DLG2: variants seen among roughly 807,000 people sequenced by gnomAD.
The protein encoded by DLG2 is discs large MAGUK scaffold protein 2, also known as disks large homolog 2.
DLG2 carries 45 observed loss-of-function variants against 132.5 expected under a neutral mutation model. That is an observed-to-expected ratio of 0.34 (90% CI 0.27 to 0.44). The LOEUF (loss-of-function observed/expected upper bound fraction) is 0.44, where lower values mean the gene tolerates loss of function less well. Among genes scored for constraint, DLG2 ranks in the 20% least tolerant of loss-of-function variants. The probability of loss-of-function intolerance (pLI) is 1.00; values close to 1 mark genes in which losing one functional copy is unlikely to be tolerated. For missense variants in DLG2, 1,045 were observed against 1,196.9 expected, an observed-to-expected ratio of 0.87 and a Z score of 1.87; for synonymous variants, 424 against 419.6, an observed-to-expected ratio of 1.01 and a Z score of -0.13.
At chr11:83,967,343 T>C (rs974717746) in intron 12 of DLG2, among the ~76,000 whole-genome samples, 1 of 152,120 alleles carries the variant, frequency 6.6e-6, no homozygotes, top group Non-Finnish European at 1.5e-5. Context: ...CCAGTCTGCA[T>C]CCCAATCAAT....
At chr11:84,195,891 G>A (rs1432701628) in intron 8 of DLG2, among the ~76,000 whole-genome samples, 1 of 152,118 alleles carries the variant, frequency 6.6e-6, no homozygotes. Context: ...CTCTGTAAGT[G>A]CAAGGATCAT....
intron 18 of DLG2, among the ~76,000 whole-genome samples, chr11:83,654,433 T>C (rs2071669801): frequency 6.6e-6 from 1 of 152,172 alleles, no homozygotes; most frequent in Non-Finnish European, 1.5e-5. Context: ...TTAGTTTTAT[T>C]TTTTCTTCCC....
rs150090693 is a variant in DLG2 at position 83,470,055 on chromosome 11, C to T, written c.2447-682G>A. ...TAAAATATTTTTAATCTTTGACTCA[C>T]TTATTTTTTCCTAGAAATATGTTTT... On this transcript the variant is annotated intron_variant, in intron 24 of 27. Coordinates refer to ENST00000376104, the MANE Select transcript of DLG2 (RefSeq NM_001142699.3). 5.0e-3 allele frequency among the ~76,000 whole-genome samples: 765 copies of T among 152,150 alleles called. 6 individuals carry two copies. Among genetic ancestry groups the T allele is most frequent in the Non-Finnish European group, 7.8e-3 (531 of 67,976 alleles).
At chr11:83,521,645 G>A (rs1205397071) in intron 21 of DLG2, among the ~76,000 whole-genome samples, 2 of 152,078 alleles carry the variant, frequency 1.3e-5, no homozygotes, top group Non-Finnish European at 2.9e-5. Flanking sequence ...CCCTTCCACT[G>A]TCCTCCTAGT....
At chr11:84,997,738 T>G (rs2509053) in intron 6 of DLG2, 107,543 of 152,124 alleles carry the variant, frequency 0.71, 39,025 homozygotes, top group East Asian at 0.92. Flanking sequence ...CATAGGCTCT[T>G]TCACAATAAT....
At chr11:84,828,340 A>G (rs2078604788) in intron 6 of DLG2, among the ~76,000 whole-genome samples, 2 of 151,834 alleles carry the variant, frequency 1.3e-5, no homozygotes, top group Non-Finnish European at 2.9e-5. Flanking sequence ...TTTCATGAAT[A>G]AGGATGGAGG....
intron 6 of DLG2, among the ~76,000 whole-genome samples, chr11:84,905,686 A>T (rs1003678110): frequency 6.6e-6 from 1 of 152,170 alleles, no homozygotes; most frequent in Non-Finnish European, 1.5e-5. Flanking sequence ...AAAAGTAAGC[A>T]TGGGCTGACT....
chr11:85,052,066 C>T (rs566509981), intron 6 of DLG2, among the ~76,000 whole-genome samples: 39 of 152,242 alleles, frequency 2.6e-4, no homozygotes, highest in African/African-American at 9.4e-4. Flanking sequence ...TAGAAAATTT[C>T]TCTTTTGGAT....
intron 3 of DLG2, among the ~76,000 whole-genome samples, chr11:85,419,722 C>A (rs937928468): frequency 6.6e-6 from 1 of 152,172 alleles, no homozygotes; most frequent in East Asian, 1.9e-4. Context: ...TTGATCAACT[C>A]GGCTATTGAT....
At chr11:84,591,233 G>C (rs1252452144) in intron 6 of DLG2, among the ~76,000 whole-genome samples, 2 of 149,712 alleles carry the variant, frequency 1.3e-5, no homozygotes, top group Non-Finnish European at 3.0e-5. Flanking sequence ...CTGTGTGTGT[G>C]TGTGTGTGTG....
At chr11:83,790,372 T>C in intron 17 of DLG2, 1 of 887,968 alleles carries the variant, frequency 1.1e-6, no homozygotes, top group South Asian at 1.5e-5. Context: ...AAGAACCATC[T>C]GGCAGGACTG....
chr11:84,159,253 T>C (rs931038615), intron 9 of DLG2, among the ~76,000 whole-genome samples: 3 of 152,180 alleles, frequency 2.0e-5, no homozygotes, highest in Non-Finnish European at 4.4e-5. Flanking sequence ...AAGGAATAGA[T>C]GTTAACAAAA....
intron 26 of DLG2, among the ~76,000 whole-genome samples, chr11:83,463,682 T>C (rs930792524): frequency 1.3e-5 from 2 of 152,192 alleles, no homozygotes; most frequent in South Asian, 4.1e-4. Context: ...TCCCAGCTAC[T>C]TGGGAGGCTG....
At chr11:85,362,508 T>G (rs2084238073) in intron 3 of DLG2, among the ~76,000 whole-genome samples, 1 of 152,120 alleles carries the variant, frequency 6.6e-6, no homozygotes, top group Admixed American at 6.6e-5. Context: ...CTCAGAGTTT[T>G]TTTGGTGGAG....
chr11:85,231,836 G>T (rs928943394), intron 4 of DLG2, among the ~76,000 whole-genome samples: 8 of 151,852 alleles, frequency 5.3e-5, no homozygotes, highest in Admixed American at 2.6e-4. Context: ...TTCTGCTCTA[G>T]CTCACAAAAA....
intron 17 of DLG2, among the ~76,000 whole-genome samples, chr11:83,795,675 A>G (rs1488826298): frequency 1.3e-5 from 2 of 152,084 alleles, no homozygotes; most frequent in East Asian, 1.9e-4. Context: ...AGAGATGATC[A>G]TTATATTTGC....
At chr11:83,962,242 A>G (rs2089021526) in intron 14 of DLG2, among the ~76,000 whole-genome samples, 1 of 152,080 alleles carries the variant, frequency 6.6e-6, no homozygotes, top group Admixed American at 6.6e-5. Context: ...CAATGTGTAA[A>G]ACATAAACTC....
intron 7 of DLG2, among the ~76,000 whole-genome samples, chr11:84,433,975 G>A (rs547254479): frequency 2.6e-5 from 4 of 151,922 alleles, no homozygotes; most frequent in Middle Eastern, 3.4e-3. Context: ...AAAATTAGCC[G>A]GGCATATTGA....
intron 3 of DLG2, among the ~76,000 whole-genome samples, chr11:85,513,451 G>C (rs1335835841): frequency 6.6e-6 from 1 of 152,022 alleles, no homozygotes; most frequent in African/African-American, 2.4e-5. Flanking sequence ...GACAAATTGA[G>C]ATGTCAATAG....
Sources: gnomAD v4.1 joint callset for allele counts (sites outside exome capture counted in the v4.1 genomes callset) on GRCh38, gnomAD v4.1.1 for gene constraint, MANE v1.5 for transcripts, NCBI Gene and HGNC (gene_info 2026-07-23, HGNC 2026-07-21) for gene names.